The following CCDC146 variants were observed in gnomAD, a reference collection of about 807,000 sequenced individuals.
The protein encoded by CCDC146 is coiled-coil domain containing 146, also known as coiled-coil domain-containing protein 146.
CCDC146 carries 92 observed loss-of-function variants against 119.3 expected under a neutral mutation model. That is an observed-to-expected ratio of 0.77 (90% CI 0.65 to 0.92). The LOEUF is 0.92. Ranked by LOEUF, CCDC146 falls within the 40% of genes least tolerant of loss-of-function variation. The pLI, the probability that CCDC146 is intolerant of heterozygous loss-of-function variation, is 0.00. For synonymous variants in CCDC146, 372 were observed against 371.8 expected (o/e 1.00, Z -0.01); for missense variants, 1,000 against 1,103.0 (o/e 0.91, Z 1.32).
intron 11 of CCDC146, 73 bp from the exon 12 acceptor site, chr7:77,278,679 A>C: frequency 9.7e-7 from 1 of 1,031,950 alleles, no homozygotes; most frequent in East Asian, 2.5e-5. Flanking sequence ...CTTTAATGGA[A>C]GGGAATGATG....
intron 2 of CCDC146, chr7:77,194,225 T>C (rs2150427867): frequency 6.6e-6 from 1 of 152,212 alleles, no homozygotes; most frequent in East Asian, 1.9e-4. Context: ...ATAAGTCCAT[T>C]TTTACTCACA....
intron 17 of CCDC146, among the ~76,000 whole-genome samples, chr7:77,289,324 A>C (rs1399246613): frequency 1.3e-5 from 2 of 152,200 alleles, no homozygotes; most frequent in Non-Finnish European, 2.9e-5. Context: ...GCCGCTTCCC[A>C]TAGCCAGGAA....
intron 9 of CCDC146, among the ~76,000 whole-genome samples, chr7:77,272,917 C>T (rs1793553598): frequency 6.6e-6 from 1 of 152,194 alleles, no homozygotes; most frequent in African/African-American, 2.4e-5. Context: ...AAATTTCCAG[C>T]TACTAATCAA....
chr7:77,173,967 T>C (rs1247402837), intron 2 of CCDC146, among the ~76,000 whole-genome samples: 1 of 152,238 alleles, frequency 6.6e-6, no homozygotes, highest in African/African-American at 2.4e-5. Context: ...GTTTGAGAGT[T>C]AAATATCTCC....
intron 1 of CCDC146, among the ~76,000 whole-genome samples, chr7:77,138,605 G>A (rs1304000474): frequency 2.0e-5 from 3 of 152,016 alleles, no homozygotes; most frequent in Middle Eastern, 6.3e-3. Context: ...CCACAGGCTG[G>A]GAGAAAATAT....
At chr7:77,166,173 C>A (rs1344205024) in intron 1 of CCDC146, among the ~76,000 whole-genome samples, 11 of 152,094 alleles carry the variant, frequency 7.2e-5, no homozygotes, top group Non-Finnish European at 1.6e-4. Context: ...CAGGAATTGT[C>A]AGAGGAAACA....
At chr7:77,267,699 A>T (rs1332492106) in intron 9 of CCDC146, among the ~76,000 whole-genome samples, 1 of 152,158 alleles carries the variant, frequency 6.6e-6, no homozygotes, top group African/African-American at 2.4e-5. Flanking sequence ...TGCCTGAGCC[A>T]TGTGATATTA....
chr7:77,191,252 G>A (rs968046664), intron 2 of CCDC146, among the ~76,000 whole-genome samples: 5 of 152,152 alleles, frequency 3.3e-5, no homozygotes, highest in Admixed American at 2.0e-4. Context: ...CCTATCAACA[G>A]CGTTAAGTGA....
intron 2 of CCDC146, among the ~76,000 whole-genome samples, chr7:77,186,354 T>C (rs1425508547): frequency 2.6e-5 from 4 of 152,086 alleles, no homozygotes; most frequent in Non-Finnish European, 5.9e-5. Context: ...TGGATGGAAC[T>C]GGAAGTCATT....
chr7:77,189,080 G>A (rs1003154227), intron 2 of CCDC146, among the ~76,000 whole-genome samples: 6 of 152,092 alleles, frequency 3.9e-5, no homozygotes, highest in Admixed American at 3.9e-4. Flanking sequence ...AGCCCTAGAT[G>A]TCTTTCCTGA....
At chr7:77,142,774 A>C (rs980342566) in intron 1 of CCDC146, among the ~76,000 whole-genome samples, 2 of 151,734 alleles carry the variant, frequency 1.3e-5, no homozygotes, top group Non-Finnish European at 2.9e-5. Flanking sequence ...ATAGTATTCC[A>C]TGGTGTATAT....
intron 2 of CCDC146, among the ~76,000 whole-genome samples, chr7:77,174,181 T>C (rs922592081): frequency 6.6e-6 from 1 of 152,168 alleles, no homozygotes; most frequent in Non-Finnish European, 1.5e-5. Flanking sequence ...TGTTTTTCTT[T>C]GTGTCTGGCT....
intron 4 of CCDC146, chr7:77,242,253 G>A (rs6943766): frequency 0.025 from 10,093 of 407,046 alleles, 535 homozygotes; most frequent in African/African-American, 0.14. Flanking sequence ...AGCAGTACCA[G>A]AGCACGCATC....
chr7:77,163,284 C>T (rs184967872), intron 1 of CCDC146, among the ~76,000 whole-genome samples: 11 of 152,268 alleles, frequency 7.2e-5, no homozygotes, highest in Admixed American at 3.9e-4. Flanking sequence ...CCTGTCTCTA[C>T]TAAAAATACA....
At chr7:77,270,577 T>A (rs901531821) in intron 9 of CCDC146, among the ~76,000 whole-genome samples, 10 of 152,162 alleles carry the variant, frequency 6.6e-5, no homozygotes, top group African/African-American at 2.2e-4. Context: ...CCAGCCTATT[T>A]TCCAGATTAC....
At chr7:77,250,980 TG>T (rs2150501355) in intron 4 of CCDC146, among the ~76,000 whole-genome samples, 1 of 74,734 alleles carries the variant, frequency 1.3e-5, no homozygotes, top group Non-Finnish European at 2.6e-5. Context: ...TATTTGTGTG[TG>T]TGTGTGTGTG....
At chr7:77,220,290 C>T (rs1385254362) in intron 2 of CCDC146, among the ~76,000 whole-genome samples, 1 of 152,208 alleles carries the variant, frequency 6.6e-6, no homozygotes, top group Non-Finnish European at 1.5e-5. Flanking sequence ...GACTCTTCTG[C>T]CTGGCCCCGC....
At chr7:77,217,861 G>A (rs1163324533) in intron 2 of CCDC146, among the ~76,000 whole-genome samples, 2 of 152,012 alleles carry the variant, frequency 1.3e-5, no homozygotes, top group African/African-American at 2.4e-5. Flanking sequence ...CATAGAAAAG[G>A]TACAGTAAAA....
intron 4 of CCDC146, among the ~76,000 whole-genome samples, chr7:77,249,867 C>T (rs1364724099): frequency 6.6e-6 from 1 of 152,044 alleles, no homozygotes; most frequent in Non-Finnish European, 1.5e-5. Context: ...ATTTGTTGTG[C>T]TTGTTCTTCA....
Sources: allele counts gnomAD v4.1 joint callset (sites outside exome capture counted in the v4.1 genomes callset), GRCh38; gene constraint gnomAD v4.1.1; transcripts MANE v1.5; gene names NCBI Gene and HGNC (gene_info 2026-07-23, HGNC 2026-07-21).